PTPRG: variants seen among roughly 807,000 people sequenced by gnomAD.
PTPRG encodes receptor-type tyrosine-protein phosphatase gamma.
In PTPRG, 102 loss-of-function variants were observed where a neutral mutation model predicts 165.3. That is an observed-to-expected ratio of 0.62 (90% confidence interval 0.53 to 0.73). The LOEUF is 0.73. PTPRG is among the 30% of genes least tolerant of loss of function. The probability of loss-of-function intolerance (pLI) is 0.00; values close to 1 mark genes in which losing one functional copy is unlikely to be tolerated. For missense variants in PTPRG, 1,866 were observed against 1,861.4 expected (o/e 1.00, Z -0.05); for synonymous variants, 675 against 669.5 (o/e 1.01, Z -0.13).
At chr3:61,571,557 T>C (rs1015404465) in intron 1 of PTPRG, among the ~76,000 whole-genome samples, 2 of 152,234 alleles carry the variant, frequency 1.3e-5, no homozygotes, top group Non-Finnish European at 2.9e-5. Context: ...GTTGAAGAGA[T>C]GACCTTTCAG....
intron 1 of PTPRG, among the ~76,000 whole-genome samples, chr3:61,643,260 G>GGAGAGATA (rs1702111725): frequency 7.2e-6 from 1 of 138,506 alleles, no homozygotes; most frequent in South Asian, 2.2e-4. Flanking sequence ...CCCCATCTGG[G>GGAGAGATA]GAGAGAGAGA....
chr3:62,285,160 G>T (rs972713734), intron 28 of PTPRG, among the ~76,000 whole-genome samples: 2 of 152,050 alleles, frequency 1.3e-5, no homozygotes, highest in Non-Finnish European at 2.9e-5. Flanking sequence ...GTCTCCACCG[G>T]GGGAAACCCA....
chr3:62,043,029 AT>A (rs200450172), intron 4 of PTPRG, among the ~76,000 whole-genome samples: 3,533 of 152,136 alleles, frequency 0.023, 80 homozygotes, highest in South Asian at 0.11. Flanking sequence ...TTAGGGTACA[AT>A]TTTTTTTATT....
At chr3:62,185,692 C>T (rs1705851333) in intron 8 of PTPRG, among the ~76,000 whole-genome samples, 1 of 152,208 alleles carries the variant, frequency 6.6e-6, no homozygotes, top group Non-Finnish European at 1.5e-5. Flanking sequence ...GATTTTAAAG[C>T]CCATATTTAT....
intron 2 of PTPRG, among the ~76,000 whole-genome samples, chr3:61,850,496 A>G (rs2036936045): frequency 6.6e-6 from 1 of 152,188 alleles, no homozygotes; most frequent in African/African-American, 2.4e-5. Context: ...AAGGTATGAC[A>G]TATATGTTTT....
In PTPRG at chr3:62,203,361, C is replaced by CGGT. The variant is rs777567761; in HGVS notation, c.1572_1574dup (p.Gly525dup). On this transcript the variant is annotated inframe_insertion, in exon 12 of 30. Transcript: ENST00000474889. This position sits in a 1 kb window ranked among gnomAD's most constrained non-coding sequence, Gnocchi z 6.4. ...CGCTGCTCGCCGGCCTGGGGTTCGG[C>CGGT]GGTGGTGGCATCTCCTCTTTCCCCA... 128 of 1,613,112 alleles carry CGGT rather than the reference C, an allele frequency of 7.9e-5. 1 individual carries two copies. In the Middle Eastern group the frequency reaches 1.5e-3, roughly 19 times the overall value.
intron 1 of PTPRG, among the ~76,000 whole-genome samples, chr3:61,678,429 A>G (rs2365943): frequency 0.74 from 112,891 of 152,126 alleles, 42,701 homozygotes; most frequent in East Asian, 0.91. Context: ...AGGGGAGTCA[A>G]GAATTCGGAG....
intron 1 of PTPRG, among the ~76,000 whole-genome samples, chr3:61,620,890 A>G (rs946658208): frequency 1.3e-5 from 2 of 151,792 alleles, no homozygotes; most frequent in Admixed American, 6.6e-5. Context: ...CAGCCTCCCA[A>G]CATGCTGGGA....
At chr3:61,590,092 G>A (rs562873945) in intron 1 of PTPRG, among the ~76,000 whole-genome samples, 8 of 152,002 alleles carry the variant, frequency 5.3e-5, no homozygotes, top group Non-Finnish European at 1.0e-4. Flanking sequence ...GCTTGTGTCC[G>A]TGTACCATTG....
intron 2 of PTPRG, among the ~76,000 whole-genome samples, chr3:61,802,385 G>T (rs1296521677): frequency 1.3e-5 from 2 of 152,126 alleles, no homozygotes; most frequent in Admixed American, 1.3e-4. Flanking sequence ...ATGAATGCTG[G>T]TTGCACAGTG....
At position 61,910,467 on chromosome 3, in the gene PTPRG, C is replaced by G. The variant is rs186534378; in HGVS notation, c.191-79158C>G. On this transcript the variant is annotated intron_variant, in intron 2 of 29. Transcript: ENST00000474889. ...ACTCACTGTTTTACCTTGCCTTTCT[C>G]TTGTTGCTGGTGATGTTGAGCATCA... 7.6e-4 allele frequency among the ~76,000 whole-genome samples: 115 copies of G among 152,300 alleles called. 1 individual carries two copies. The highest frequency in any genetic ancestry group is 2.7e-3 in the African/African-American group (113 of 41,554).
chr3:62,247,542 T>TA (rs1370827235), intron 15 of PTPRG, among the ~76,000 whole-genome samples: 1 of 152,104 alleles, frequency 6.6e-6, no homozygotes, highest in Non-Finnish European at 1.5e-5. Context: ...TTCCCCATAT[T>TA]AAAAAAATCT....
At chr3:62,088,585 A>C (rs1357006408) in intron 5 of PTPRG, among the ~76,000 whole-genome samples, 1 of 152,234 alleles carries the variant, frequency 6.6e-6, no homozygotes, top group Non-Finnish European at 1.5e-5. Flanking sequence ...TAAAGCACCC[A>C]CATGGGTATT....
chr3:61,927,835 C>T (rs1271791904), intron 2 of PTPRG, among the ~76,000 whole-genome samples: 1 of 152,110 alleles, frequency 6.6e-6, no homozygotes, highest in Non-Finnish European at 1.5e-5. Flanking sequence ...TGAATAGAAG[C>T]TGAAGATACA....
intron 1 of PTPRG, among the ~76,000 whole-genome samples, chr3:61,745,359 T>C (rs1240600031): frequency 6.6e-6 from 1 of 152,180 alleles, no homozygotes; most frequent in Non-Finnish European, 1.5e-5. Flanking sequence ...ATTCCCTCAC[T>C]GTTGATGAAC....
intron 4 of PTPRG, among the ~76,000 whole-genome samples, chr3:62,013,389 T>A (rs2041470249): frequency 6.6e-6 from 1 of 152,186 alleles, no homozygotes; most frequent in Non-Finnish European, 1.5e-5. Flanking sequence ...TTATGTTGAA[T>A]TTTTGGTAAT....
chr3:61,807,048 A>G (rs909969174), intron 2 of PTPRG, among the ~76,000 whole-genome samples: 1 of 152,210 alleles, frequency 6.6e-6, no homozygotes, highest in African/African-American at 2.4e-5. Context: ...GATTTATCAC[A>G]TGGACGGAGA....
At chr3:62,267,636 C>T in intron 18 of PTPRG, 49 bp from the exon 19 acceptor site, 3 of 1,593,366 alleles carry the variant, frequency 1.9e-6, no homozygotes, top group Non-Finnish European at 2.6e-6. Flanking sequence ...ATTGACTGGT[C>T]TTCTGTGATA....
At chr3:61,852,469 A>G (rs1484950186) in intron 2 of PTPRG, among the ~76,000 whole-genome samples, 1 of 152,234 alleles carries the variant, frequency 6.6e-6, no homozygotes, top group Non-Finnish European at 1.5e-5. Flanking sequence ...ACCTACTTGC[A>G]TACTTCGGAT....
Sources: gnomAD v4.1 joint callset for allele counts (sites outside exome capture counted in the v4.1 genomes callset) on GRCh38, gnomAD v4.1.1 for gene constraint, Gnocchi (gnomAD v3.1) non-coding constraint, MANE v1.5 for transcripts, NCBI Gene and HGNC (gene_info 2026-07-23, HGNC 2026-07-21) for gene names.